The following GLIS3 variants were observed in gnomAD, a reference collection of about 807,000 sequenced individuals.
GLIS3 encodes the protein zinc finger protein GLIS3.
Under a neutral mutation model 78.6 loss-of-function variants are expected in GLIS3, and 53 were observed. That is an observed-to-expected ratio of 0.67 (90% CI 0.54 to 0.85). The LOEUF (loss-of-function observed/expected upper bound fraction) is 0.85, where lower values mean the gene tolerates loss of function less well. Ranked by LOEUF, GLIS3 falls within the 40% of genes least tolerant of loss-of-function variation. GLIS3 has a pLI of 0.00. For missense variants in GLIS3, 1,703 were observed against 1,231.1 expected (o/e 1.38, Z -5.74); for synonymous variants, 684 against 509.9 (o/e 1.34, Z -4.60).
At chr9:3,886,052 C>A (rs938853115) in intron 7 of GLIS3, among the ~76,000 whole-genome samples, 1 of 152,204 alleles carries the variant, frequency 6.6e-6, no homozygotes, top group Admixed American at 6.5e-5. Context: ...CTCAAGAAAC[C>A]ACTGTTGCTA....
At chr9:4,126,797 C>A (rs759838105) in intron 2 of GLIS3, among the ~76,000 whole-genome samples, 1 of 152,138 alleles carries the variant, frequency 6.6e-6, no homozygotes, top group African/African-American at 2.4e-5. Flanking sequence ...TTGTCAACTA[C>A]CTGGTCAAGT....
At chr9:3,898,959 G>A (rs547125358) in intron 6 of GLIS3, 124 bp from the exon 7 acceptor site, 2 of 1,184,140 alleles carry the variant, frequency 1.7e-6, no homozygotes, top group East Asian at 2.5e-5. Context: ...AGCAACTACG[G>A]GTAAGGCACA....
chr9:3,888,040 A>C, intron 7 of GLIS3, among the ~76,000 whole-genome samples: 1 of 152,152 alleles, frequency 6.6e-6, no homozygotes, highest in East Asian at 1.9e-4. Flanking sequence ...TGGAACAAGC[A>C]AACTATTCAG....
At chr9:4,042,444 C>T (rs376809553) in intron 4 of GLIS3, among the ~76,000 whole-genome samples, 1 of 152,166 alleles carries the variant, frequency 6.6e-6, no homozygotes, top group Non-Finnish European at 1.5e-5. Flanking sequence ...CCAACTGCTG[C>T]TGGGAATCAT....
intron 4 of GLIS3, among the ~76,000 whole-genome samples, chr9:4,014,530 T>C (rs1822284868): frequency 6.6e-6 from 1 of 151,900 alleles, no homozygotes; most frequent in African/African-American, 2.4e-5. Context: ...CAGGCAGAAA[T>C]TGGAGTGATG....
intron 4 of GLIS3, among the ~76,000 whole-genome samples, chr9:3,990,624 A>G (rs1204020061): frequency 2.0e-5 from 3 of 152,158 alleles, no homozygotes; most frequent in African/African-American, 4.8e-5. Context: ...GTGAATCCCT[A>G]CTTCTTAAAG....
At chr9:4,464,127 G>T in the GLIS3 span, among the ~76,000 whole-genome samples, 1 of 151,896 alleles carries the variant, frequency 6.6e-6, no homozygotes, top group Admixed American at 6.6e-5. Flanking sequence ...TTTCATTTCT[G>T]TGTCAGGTTT....
At chr9:4,214,421 T>G (rs953248200) in intron 2 of GLIS3, among the ~76,000 whole-genome samples, 3 of 152,186 alleles carry the variant, frequency 2.0e-5, no homozygotes, top group African/African-American at 7.2e-5. Context: ...AATATCTCCA[T>G]CGGCACGTAT....
intron 4 of GLIS3, among the ~76,000 whole-genome samples, chr9:4,113,098 T>C (rs1019644918): frequency 1.3e-5 from 2 of 152,086 alleles, no homozygotes; most frequent in Non-Finnish European, 2.9e-5. Flanking sequence ...TAATACTATA[T>C]ATACCCTTTT....
At chr9:4,269,803 A>G (rs1052026335) in intron 2 of GLIS3, among the ~76,000 whole-genome samples, 2 of 152,206 alleles carry the variant, frequency 1.3e-5, no homozygotes, top group African/African-American at 4.8e-5. Context: ...AGTGTTGTGA[A>G]GCACAGGTTT....
chr9:4,365,291 G>A, the GLIS3 span, among the ~76,000 whole-genome samples: 3 of 152,198 alleles, frequency 2.0e-5, no homozygotes, highest in East Asian at 1.9e-4. Flanking sequence ...GGCTGGGTGC[G>A]GTGGCTCATG....
At chr9:4,490,075 C>T in the GLIS3 span, among the ~76,000 whole-genome samples, 1 of 152,236 alleles carries the variant, frequency 6.6e-6, no homozygotes, top group Non-Finnish European at 1.5e-5. Context: ...GGCACCCGTT[C>T]TGCAGGTGCC....
At chr9:4,164,967 T>C (rs1835766790) in intron 2 of GLIS3, among the ~76,000 whole-genome samples, 1 of 152,222 alleles carries the variant, frequency 6.6e-6, no homozygotes, top group South Asian at 2.1e-4. Flanking sequence ...ATTTTGTTCT[T>C]GGTTTCCTTT....
At chr9:3,915,284 A>G (rs899424250) in intron 6 of GLIS3, among the ~76,000 whole-genome samples, 4 of 151,966 alleles carry the variant, frequency 2.6e-5, no homozygotes, top group Admixed American at 6.5e-5. Flanking sequence ...ATCCCCTCTC[A>G]AAAAAACAAA....
intron 4 of GLIS3, among the ~76,000 whole-genome samples, chr9:4,028,644 T>C (rs552340159): frequency 6.6e-6 from 1 of 152,270 alleles, no homozygotes; most frequent in South Asian, 2.1e-4. Context: ...ATTCCAGCCA[T>C]TTTTCCCCAA....
chr9:4,088,481 T>A lies in GLIS3; in HGVS notation c.1710+29287A>T, dbSNP rs566214384. On this transcript the variant is annotated intron_variant, in intron 4 of 10. Coordinates refer to ENST00000381971, the MANE Select transcript of GLIS3 (RefSeq NM_001042413.2). ...CAATCCTCCCTTATTTTCCTTATCTTAAATTGGTCCTAAGTGATTTAATCT... is the reference window on the plus strand; with the variant it reads ...CAATCCTCCCTTATTTTCCTTATCTAAAATTGGTCCTAAGTGATTTAATCT... Among the ~76,000 whole-genome samples the A allele has an allele frequency of 5.3e-5, 8 of 152,374 alleles. No homozygotes were observed. In the East Asian group the frequency reaches 1.5e-3, roughly 29 times the overall value.
chr9:4,397,670 G>C, the GLIS3 span, among the ~76,000 whole-genome samples: 20 of 8,522 alleles, frequency 2.3e-3, 1 homozygote, highest in African/African-American at 4.1e-3. Flanking sequence ...GGAAGGAAGG[G>C]AGGGAGGAAG....
upstream of GLIS3, among the ~76,000 whole-genome samples, chr9:4,351,448 T>C (rs1231797172): frequency 6.7e-6 from 1 of 148,758 alleles, no homozygotes; most frequent in Non-Finnish European, 1.5e-5. Flanking sequence ...ACATATCTCA[T>C]AAAATATTTA....
chr9:3,916,657 G>C (rs1324090801), intron 6 of GLIS3, among the ~76,000 whole-genome samples: 1 of 152,182 alleles, frequency 6.6e-6, no homozygotes, highest in African/African-American at 2.4e-5. Context: ...AAGGATTAAA[G>C]TTAAGGATTA....
Sources: gnomAD v4.1 joint callset for allele counts (sites outside exome capture counted in the v4.1 genomes callset) on GRCh38, gnomAD v4.1.1 for gene constraint, MANE v1.5 for transcripts, NCBI Gene and HGNC (gene_info 2026-07-23, HGNC 2026-07-21) for gene names.